The following SCAND3 variants were observed in gnomAD, a reference collection of about 807,000 sequenced individuals.
SCAND3 encodes the protein SCAN domain-containing protein 3.
the SCAND3 span, among the ~76,000 whole-genome samples, chr6:28,588,849 C>G: frequency 6.6e-6 from 1 of 152,108 alleles, no homozygotes; most frequent in Admixed American, 6.5e-5. This position sits in a 1 kb window ranked among gnomAD's most constrained non-coding sequence, Gnocchi z 4.1. Flanking sequence ...AGATCTGCAC[C>G]CCAGAGGGAT....
At chr6:28,593,683 A>AC in the SCAND3 span, 1 of 152,184 alleles carries the variant, frequency 6.6e-6, no homozygotes, top group Admixed American at 6.5e-5. Context: ...CTCAAAAAAA[A>AC]CAAAAACTTC....
the SCAND3 span, chr6:28,572,476 T>C: frequency 1.9e-6 from 3 of 1,613,460 alleles, no homozygotes; most frequent in South Asian, 3.3e-5. The surrounding 1 kb of genome is among the most constrained non-coding windows in gnomAD (Gnocchi z 4.1). Flanking sequence ...TTCTAACTTC[T>C]GTTTTTGTCC....
the SCAND3 span, among the ~76,000 whole-genome samples, chr6:28,578,032 C>T: frequency 3.3e-5 from 5 of 152,162 alleles, no homozygotes; most frequent in African/African-American, 1.2e-4. Flanking sequence ...GGGACCAATT[C>T]TCCTTGCTTG....
chr6:28,574,735 T>C, the SCAND3 span: 20 of 1,614,042 alleles, frequency 1.2e-5, no homozygotes, highest in Non-Finnish European at 1.5e-5. Context: ...AATCTCATCA[T>C]GTTTCCTCTT....
At chr6:28,572,634 C>T in the SCAND3 span, 2 of 1,613,978 alleles carry the variant, frequency 1.2e-6, no homozygotes, top group Admixed American at 3.3e-5. The surrounding 1 kb of genome is among the most constrained non-coding windows in gnomAD (Gnocchi z 4.1). Context: ...ACATGGGTTT[C>T]TTGCCTTGCA....
chr6:28,595,364 AG>A, the SCAND3 span, among the ~76,000 whole-genome samples: 1 of 150,220 alleles, frequency 6.7e-6, no homozygotes, highest in East Asian at 1.9e-4. Flanking sequence ...AAGAAGAAGA[AG>A]AAGAAGAAGA....
chr6:28,596,444 A>G, the SCAND3 span, among the ~76,000 whole-genome samples: 1 of 152,044 alleles, frequency 6.6e-6, no homozygotes, highest in Non-Finnish European at 1.5e-5. Context: ...ATATATTCAT[A>G]TGTGCTTAGT....
the SCAND3 span, among the ~76,000 whole-genome samples, chr6:28,604,380 G>A: frequency 6.6e-6 from 1 of 151,968 alleles, no homozygotes; most frequent in Non-Finnish European, 1.5e-5. Context: ...ACTTTGGGAG[G>A]CTGAGGCGGG....
chr6:28,573,396 G>C, the SCAND3 span: 1 of 1,614,056 alleles, frequency 6.2e-7, no homozygotes, highest in Non-Finnish European at 8.5e-7. Flanking sequence ...TTTTAGACTT[G>C]GCAACCGGAA....
the SCAND3 span, among the ~76,000 whole-genome samples, chr6:28,606,067 G>C: frequency 1.3e-5 from 2 of 152,110 alleles, no homozygotes; most frequent in African/African-American, 4.8e-5. Context: ...TACAGCTATT[G>C]TATCAATGTT....
At chr6:28,587,239 TG>T in the SCAND3 span, 1 of 155,132 alleles carries the variant, frequency 6.4e-6, no homozygotes, top group African/African-American at 2.4e-5. Flanking sequence ...CCCAGACTAG[TG>T]GGTCGAGGGA....
At chr6:28,615,059 G>A in the SCAND3 span, among the ~76,000 whole-genome samples, 1 of 152,116 alleles carries the variant, frequency 6.6e-6, no homozygotes, top group African/African-American at 2.4e-5. Flanking sequence ...CACAGATAAG[G>A]AAAACAAAGT....
At chr6:28,579,307 C>T in the SCAND3 span, 4 of 1,613,894 alleles carry the variant, frequency 2.5e-6, no homozygotes, top group African/African-American at 5.3e-5. The surrounding 1 kb of genome is among the most constrained non-coding windows in gnomAD (Gnocchi z 4.5). Context: ...TGGAGATTCA[C>T]ATTCCATTCT....
chr6:28,587,263 C>T, the SCAND3 span: 1 of 153,422 alleles, frequency 6.5e-6, no homozygotes, highest in African/African-American at 2.4e-5. Context: ...CACTCTACAG[C>T]TCAGGTGGAG....
chr6:28,573,965 C>A, the SCAND3 span: 1 of 1,131,142 alleles, frequency 8.8e-7, no homozygotes, highest in Non-Finnish European at 1.2e-6. Flanking sequence ...TAAATAAATG[C>A]CTATATTTTC....
chr6:28,582,539 A>G, the SCAND3 span, among the ~76,000 whole-genome samples: 1 of 152,220 alleles, frequency 6.6e-6, no homozygotes. The surrounding 1 kb of genome is among the most constrained non-coding windows in gnomAD (Gnocchi z 4.8). Flanking sequence ...AAACTGCAGA[A>G]AAGTGACAGG....
the SCAND3 span, among the ~76,000 whole-genome samples, chr6:28,614,045 C>T: frequency 6.6e-6 from 1 of 151,822 alleles, no homozygotes; most frequent in Non-Finnish European, 1.5e-5. Context: ...CTCACTGCAA[C>T]CTCTGCCTCC....
At chr6:28,611,291 A>G in the SCAND3 span, among the ~76,000 whole-genome samples, 1 of 152,290 alleles carries the variant, frequency 6.6e-6, no homozygotes, top group East Asian at 1.9e-4. Context: ...ATATAGACCT[A>G]TGGTTATCAT....
At chr6:28,609,189 G>T in the SCAND3 span, among the ~76,000 whole-genome samples, 1 of 152,154 alleles carries the variant, frequency 6.6e-6, no homozygotes, top group African/African-American at 2.4e-5. Context: ...AGTAATTAAA[G>T]GATTAACTAT....
Sources: allele counts gnomAD v4.1 joint callset (sites outside exome capture counted in the v4.1 genomes callset), GRCh38; gene constraint gnomAD v4.1.1; non-coding constraint Gnocchi (gnomAD v3.1); transcripts MANE v1.5; gene names NCBI Gene and HGNC (gene_info 2026-07-23, HGNC 2026-07-21).